The following RANBP2 variants were observed in gnomAD, a reference collection of about 807,000 sequenced individuals.
The protein encoded by RANBP2 is E3 SUMO-protein ligase RanBP2.
In RANBP2, 57 loss-of-function variants were observed where a neutral mutation model predicts 303.6. The ratio of observed to expected loss-of-function variants is 0.19; its 90% CI spans 0.15 to 0.23. RANBP2 has a LOEUF of 0.23. Among genes scored for constraint, RANBP2 ranks in the 10% least tolerant of loss-of-function variants. RANBP2 has a pLI of 1.00. For missense variants in RANBP2, 3,138 were observed against 3,780.8 expected (o/e 0.83, Z 4.46); for synonymous variants, 1,167 against 1,301.5 (o/e 0.90, Z 2.23).
At chr2:109,129,983 C>A in the RANBP2 span, 5 of 1,300,548 alleles carry the variant, frequency 3.8e-6, no homozygotes, top group Non-Finnish European at 4.9e-6. Context: ...GCGGCCCCCA[C>A]GCTCGCGGGC....
the RANBP2 span, among the ~76,000 whole-genome samples, chr2:109,123,979 G>GTTTT: frequency 8.0e-5 from 11 of 137,032 alleles, no homozygotes; most frequent in South Asian, 1.6e-3. Context: ...TTTCTTTTCA[G>GTTTT]TTTTATTTAT....
the RANBP2 span, among the ~76,000 whole-genome samples, chr2:109,380,761 C>A: frequency 6.6e-6 from 1 of 152,206 alleles, no homozygotes; most frequent in Non-Finnish European, 1.5e-5. Context: ...CCACCTTAGC[C>A]AGGCAATCCC....
the RANBP2 span, among the ~76,000 whole-genome samples, chr2:109,364,735 G>T: frequency 6.6e-6 from 1 of 152,180 alleles, no homozygotes; most frequent in African/African-American, 2.4e-5. Flanking sequence ...GGTGAAACAG[G>T]ATGGCTACAG....
chr2:109,778,497 A>T, the RANBP2 span, among the ~76,000 whole-genome samples: 1 of 150,032 alleles, frequency 6.7e-6, no homozygotes. Flanking sequence ...GGCATTGGAC[A>T]ACTCCAGAAG....
chr2:109,225,122 T>C, the RANBP2 span, among the ~76,000 whole-genome samples: 1 of 152,050 alleles, frequency 6.6e-6, no homozygotes, highest in Non-Finnish European at 1.5e-5. Context: ...GCACAGTCCC[T>C]TAAATTCCCT....
chr2:109,446,576 A>G, the RANBP2 span, among the ~76,000 whole-genome samples: 1 of 152,108 alleles, frequency 6.6e-6, no homozygotes, highest in African/African-American at 2.4e-5. Context: ...AGAAGGTGGT[A>G]TCTGAGCCTT....
the RANBP2 span, among the ~76,000 whole-genome samples, chr2:109,635,709 G>T: frequency 1.3e-5 from 2 of 152,206 alleles, no homozygotes; most frequent in Non-Finnish European, 1.5e-5. Context: ...TTGTGCAGAT[G>T]AAGTGAGAGT....
At chr2:109,585,404 A>G in the RANBP2 span, 1 of 1,191,630 alleles carries the variant, frequency 8.4e-7, no homozygotes, top group Non-Finnish European at 1.2e-6. Context: ...GTGGTTTCAA[A>G]GATCCCAAAT....
the RANBP2 span, among the ~76,000 whole-genome samples, chr2:109,539,213 G>C: frequency 6.6e-6 from 1 of 151,970 alleles, no homozygotes; most frequent in Non-Finnish European, 1.5e-5. Context: ...CAGAAGAATC[G>C]CTTGAACCCA....
the RANBP2 span, among the ~76,000 whole-genome samples, chr2:109,296,772 G>A: frequency 1.3e-5 from 2 of 152,206 alleles, no homozygotes; most frequent in Admixed American, 6.5e-5. Flanking sequence ...TTGCCATGGC[G>A]TGTGGGAATA....
the RANBP2 span, among the ~76,000 whole-genome samples, chr2:109,700,102 T>C: frequency 3.3e-5 from 5 of 152,344 alleles, no homozygotes; most frequent in Non-Finnish European, 4.4e-5. Context: ...ACTTTGATAT[T>C]GTTCTCCCCA....
At chr2:108,840,693 T>A in the RANBP2 span, among the ~76,000 whole-genome samples, 9,311 of 152,294 alleles carry the variant, frequency 0.061, 431 homozygotes, top group Non-Finnish European at 0.09. Context: ...TATGGATAAT[T>A]TGTGTTTTCT....
chr2:108,744,541 C>CA (rs1696361165), intron 7 of RANBP2, among the ~76,000 whole-genome samples: 1 of 152,064 alleles, frequency 6.6e-6, no homozygotes, highest in East Asian at 1.9e-4. Flanking sequence ...AGTTTCAAAA[C>CA]AAAAAGAATG....
chr2:109,129,906 T>C, the RANBP2 span: 1 of 1,506,530 alleles, frequency 6.6e-7, no homozygotes, highest in East Asian at 2.7e-5. Flanking sequence ...ACGGCATCCG[T>C]CAGCGGCCCC....
At chr2:108,947,591 G>A in the RANBP2 span, among the ~76,000 whole-genome samples, 6 of 152,264 alleles carry the variant, frequency 3.9e-5, no homozygotes, top group East Asian at 3.9e-4. Context: ...CTGCACCCCC[G>A]CAGTCCCAAC....
intron 1 of RANBP2, among the ~76,000 whole-genome samples, chr2:108,722,003 G>A (rs1467285251): frequency 1.3e-5 from 2 of 150,886 alleles, no homozygotes; most frequent in Non-Finnish European, 2.9e-5. Flanking sequence ...CCCAAGTGCT[G>A]AGATTACAGG....
the RANBP2 span, among the ~76,000 whole-genome samples, chr2:108,967,525 T>C: frequency 6.6e-6 from 1 of 152,088 alleles, no homozygotes; most frequent in Non-Finnish European, 1.5e-5. Flanking sequence ...TCAAAGAGGT[T>C]TACAACAGTC....
the RANBP2 span, among the ~76,000 whole-genome samples, chr2:109,538,638 G>C: frequency 3.3e-4 from 51 of 152,326 alleles, no homozygotes; most frequent in East Asian, 9.7e-3. Context: ...TCGTGCCTCA[G>C]CCTCTGAGTA....
the RANBP2 span, chr2:109,398,587 C>A: frequency 6.5e-7 from 1 of 1,550,266 alleles, no homozygotes; most frequent in South Asian, 1.2e-5. Context: ...CTTTCTCACT[C>A]AGCTCAATGA....
Sources: gnomAD v4.1 joint callset for allele counts (sites outside exome capture counted in the v4.1 genomes callset) on GRCh38, gnomAD v4.1.1 for gene constraint, MANE v1.5 for transcripts, NCBI Gene and HGNC (gene_info 2026-07-23, HGNC 2026-07-21) for gene names.